The following ARL14EP variants were observed in gnomAD, a reference collection of about 807,000 sequenced individuals.
ARL14EP encodes the protein ARL14 effector protein.
Under a neutral mutation model 23.1 loss-of-function variants are expected in ARL14EP, and 12 were observed. That is an observed-to-expected ratio of 0.52 (90% CI 0.33 to 0.84). The LOEUF is 0.84. ARL14EP is among the 40% of genes least tolerant of loss of function. The pLI is 0.02. For synonymous variants in ARL14EP, 97 were observed against 102.0 expected (o/e 0.95, Z 0.29); for missense variants, 253 against 307.3 (o/e 0.82, Z 1.32).
intron 2 of ARL14EP, among the ~76,000 whole-genome samples, chr11:30,332,559 T>C (rs1308238631): frequency 6.6e-6 from 1 of 152,172 alleles, no homozygotes; most frequent in Non-Finnish European, 1.5e-5. Context: ...TAGCAGTTTT[T>C]GTGCCTTCTC....
chr11:30,330,913 A>C lies in ARL14EP; in HGVS notation c.-36A>C. On this transcript the variant is annotated 5_prime_UTR_variant, in exon 2 of 4. Coordinates refer to ENST00000282032, the MANE Select transcript of ARL14EP (RefSeq NM_152316.3). ...TGATCAGCCCATGACCTAAACCTCC[A>C]GACAAAATAAAACGGAAAATTTGCT... is the stretch of plus-strand genomic sequence containing the variant. 6.5e-7 allele frequency: 1 copy of C among 1,533,252 alleles called. No homozygotes were observed. The highest frequency in any genetic ancestry group is 1.1e-5 in the South Asian group (1 of 88,410). 95.0% of individuals were successfully genotyped at this position (1,533,252 alleles called of 1,614,324 possible). A position where few individuals can be genotyped will look rare whatever the true frequency, so the allele number is the denominator to read the frequency against.
rs772236750 is a variant in ARL14EP, at chr11:30,330,967, G to T, written c.19G>T (p.Val7Phe). MMDPCS[V>F]GVQLRTTNEC... ...ATCAAGAATGATGGATCCATGTTCA[G>T]TTGGAGTCCAGCTTCGTACTACAAA... Residue 7 changes from valine (V) to phenylalanine (F), a missense_variant, in exon 2 of 4, where the codon GTT becomes TTT. Transcript: ENST00000282032. 2.2e-5 allele frequency: 35 copies of T among 1,613,614 alleles called. No individual in the cohort carries two copies. The highest frequency in any genetic ancestry group is 2.9e-5 in the Non-Finnish European group (34 of 1,179,750).
intron 3 of ARL14EP, among the ~76,000 whole-genome samples, chr11:30,335,591 C>T (rs1947324438): frequency 2.6e-5 from 4 of 152,098 alleles, no homozygotes. Flanking sequence ...AGATCCTCCA[C>T]CAGCAAAAAA....
intron 1 of ARL14EP, among the ~76,000 whole-genome samples, chr11:30,326,101 T>G (rs1947233199): frequency 6.6e-6 from 1 of 152,234 alleles, no homozygotes; most frequent in Non-Finnish European, 1.5e-5. Flanking sequence ...AGACTTCCTG[T>G]AAGGCAAATA....
rs948456127 is a variant in ARL14EP, at chr11:30,336,827, G to A, written c.*32G>A. ...GTACCAAACTATGGAGCCTTTAAAG[G>A]TCTTTATTTCTAAAAATCTGTTACT... On this transcript the variant is annotated 3_prime_UTR_variant, in exon 4 of 4. Transcript: ENST00000282032. 2.4e-5 allele frequency: 38 copies of A among 1,562,840 alleles called. No homozygotes were observed. The highest frequency in any genetic ancestry group is 3.4e-5 in the Non-Finnish European group (38 of 1,134,078).
chr11:30,335,438 C>T (rs537614670), intron 3 of ARL14EP, among the ~76,000 whole-genome samples: 8 of 152,210 alleles, frequency 5.3e-5, no homozygotes, highest in African/African-American at 1.9e-4. Context: ...TGCTATCAAA[C>T]ACCATCACAT....
intron 1 of ARL14EP, chr11:30,329,762 G>C (rs1357684513): frequency 6.6e-6 from 1 of 151,962 alleles, no homozygotes; most frequent in Non-Finnish European, 1.5e-5. Flanking sequence ...TTTTCCAGTG[G>C]ACTCTGTCAT....
At chr11:30,328,095 CTTAAT>C (rs755429874) in intron 1 of ARL14EP, 4 of 151,810 alleles carry the variant, frequency 2.6e-5, no homozygotes, top group Non-Finnish European at 5.9e-5. Flanking sequence ...TTTTCTCCTC[CTTAAT>C]TTATCTTAAT....
In ARL14EP at chr11:30,336,703, T is replaced by C; in HGVS notation, c.691T>C (p.Cys231Arg). 2 of 1,614,128 alleles carry C rather than the reference T, an allele frequency of 1.2e-6. No homozygotes were observed. Among genetic ancestry groups the C allele is most frequent in the South Asian group, 1.1e-5 (1 of 91,074 alleles). The change falls in exon 4 of 4, where the codon TGT becomes CGT. Residue 231 changes from cysteine to arginine, a missense_variant. Coordinates refer to ENST00000282032, the MANE Select transcript of ARL14EP (RefSeq NM_152316.3). The part of the protein sequence containing the change: ...YACPACGSTK[C>R]GAECRCDRKW... Reference sequence around the variant, plus strand: ...TTGTCCTGCCTGTGGTTCTACCAAGTGTGGAGCTGAATGCCGCTGTGACCG... The same window carrying C: ...TTGTCCTGCCTGTGGTTCTACCAAGCGTGGAGCTGAATGCCGCTGTGACCG...
rs1947335299 is a variant in ARL14EP, at chr11:30,336,718, C to T, written c.706C>T (p.Arg236Cys). 6 of 1,613,932 alleles carry T rather than the reference C, an allele frequency of 3.7e-6. No individual in the cohort carries two copies. Among genetic ancestry groups the T allele is most frequent in the East Asian group, 2.2e-5 (1 of 44,876 alleles). Residue 236 changes from arginine to cysteine, a missense_variant, in exon 4 of 4, where the codon CGC becomes TGC. Arg to Cys is a radical substitution (Grantham distance 180, BLOSUM62 -3). Transcript: ENST00000282032. ...CGSTKCGAECRCDRKWLYEQI... is the reference protein window; with the variant it reads ...CGSTKCGAECCCDRKWLYEQI... ...TTCTACCAAGTGTGGAGCTGAATGC[C>T]GCTGTGACCGCAAGTGGCTGTATGA...
chr11:30,331,330 G>C lies in ARL14EP; in HGVS notation c.382G>C (p.Asp128His). 1 of 1,613,978 alleles carries C rather than the reference G, an allele frequency of 6.2e-7. No homozygotes were observed. Among genetic ancestry groups the C allele is most frequent in the Non-Finnish European group, 8.5e-7 (1 of 1,179,874 alleles). The part of the protein sequence containing the change: ...KCTQIINGSV[D>H]VDTEDRQKRK... ...CACACAGATAATCAATGGAAGTGTG[G>C]ATGTTGATACTGAAGACCGCCAGAA... is the stretch of plus-strand genomic sequence containing the variant. Residue 128 changes from aspartate (D) to histidine (H), a missense_variant, in exon 2 of 4, where the codon GAT (aspartate) becomes CAT (histidine). Transcript: ENST00000282032.
chr11:30,331,294 T>C lies in ARL14EP; in HGVS notation c.346T>C (p.Cys116Arg). 1 of 1,614,002 alleles carries C rather than the reference T, an allele frequency of 6.2e-7. No homozygotes were observed. The highest frequency in any genetic ancestry group is 8.5e-7 in the Non-Finnish European group (1 of 1,179,876). Residue 116 changes from cysteine to arginine, a missense_variant, in exon 2 of 4, where the codon TGT (cysteine) becomes CGT (arginine). Physicochemically the swap from Cys to Arg is radical, Grantham distance 180. Transcript: ENST00000282032. The part of the protein sequence containing the change: ...GRQLVPGWKL[C>R]PKCTQIINGS... ...ACAGCTTGTACCTGGTTGGAAGCTT[T>C]GTCCAAAATGCACACAGATAATCAA...
In ARL14EP at chr11:30,337,593, G is replaced by C. The variant is rs1418154452; in HGVS notation, c.*798G>C. 6.6e-6 allele frequency: 1 copy of C among 151,764 alleles called. No homozygotes were observed. The highest frequency in any genetic ancestry group is 1.5e-5 in the Non-Finnish European group (1 of 67,996). 9.4% of individuals were successfully genotyped at this position (151,764 alleles called of 1,614,324 possible). On this transcript the variant is annotated 3_prime_UTR_variant, in exon 4 of 4. Coordinates refer to ENST00000282032, the MANE Select transcript of ARL14EP (RefSeq NM_152316.3). ...ACTTACCAACACAAATAAGCAAAGT[G>C]GTTGCAATAAAGACAGATACGTCCC...
intron 2 of ARL14EP, chr11:30,331,818 T>A (rs1269868917): frequency 7.1e-6 from 7 of 989,214 alleles, no homozygotes; most frequent in Middle Eastern, 1.0e-3. Flanking sequence ...ACAGTAATTG[T>A]TTTTTATTTC....
intron 1 of ARL14EP, among the ~76,000 whole-genome samples, chr11:30,327,695 A>C (rs1285506176): frequency 1.3e-5 from 2 of 151,568 alleles, no homozygotes; most frequent in Non-Finnish European, 2.9e-5. Flanking sequence ...ACGGTGGCTC[A>C]TGCCTGTAAT....
chr11:30,335,544 C>T (rs1043643731), intron 3 of ARL14EP, among the ~76,000 whole-genome samples: 2 of 152,180 alleles, frequency 1.3e-5, no homozygotes, highest in African/African-American at 2.4e-5. Flanking sequence ...CCTTCAGCAA[C>T]GACCTCCCTG....
intron 2 of ARL14EP, among the ~76,000 whole-genome samples, chr11:30,332,588 C>T (rs965751460): frequency 6.6e-6 from 1 of 152,116 alleles, no homozygotes; most frequent in Non-Finnish European, 1.5e-5. Flanking sequence ...TGGCAGCAGC[C>T]ATTGCAGTTT....
intron 3 of ARL14EP, among the ~76,000 whole-genome samples, 158 bp downstream of exon 3, chr11:30,333,151 A>G (rs549012186): frequency 6.6e-6 from 1 of 152,348 alleles, no homozygotes; most frequent in East Asian, 1.9e-4. Flanking sequence ...TTATTCATAT[A>G]AAATTAAGGT....
At chr11:30,329,087 T>C (rs981168664) in intron 1 of ARL14EP, 2 of 152,156 alleles carry the variant, frequency 1.3e-5, no homozygotes, top group Admixed American at 6.5e-5. Context: ...AATAATGTTT[T>C]TTCCCCTCAG....
Sources: allele counts gnomAD v4.1 joint callset (sites outside exome capture counted in the v4.1 genomes callset), GRCh38; gene constraint gnomAD v4.1.1; transcripts MANE v1.5; gene names NCBI Gene and HGNC (gene_info 2026-07-23, HGNC 2026-07-21).